The following PAX3 variants were observed in gnomAD, a reference collection of about 807,000 sequenced individuals.
PAX3 encodes the protein paired box 3.
Under a neutral mutation model 51.6 loss-of-function variants are expected in PAX3, and 14 were observed. The ratio of observed to expected loss-of-function variants is 0.27; its 90% CI spans 0.18 to 0.42. The LOEUF (loss-of-function observed/expected upper bound fraction) is 0.42. Ranked by LOEUF, PAX3 falls within the 10% of genes least tolerant of loss-of-function variation. PAX3 has a pLI of 1.00. For missense variants in PAX3, 540 were observed against 642.8 expected (o/e 0.84, Z 1.73); for synonymous variants, 280 against 253.4 (o/e 1.11, Z -1.00).
chr2:222,201,125 T>G lies in PAX3; in HGVS notation c.*283A>C. On this transcript the variant is annotated 3_prime_UTR_variant, in exon 9 of 9. Transcript: ENST00000392070. ...TCAGCACTAAAGAATTGGGATGTTT[T>G]GATATGTAACCATGTGAAACCATTG... 1 of 1,600,012 alleles carries G rather than the reference T, an allele frequency of 6.2e-7. No individual in the cohort carries two copies. The highest frequency in any genetic ancestry group is 8.6e-7 in the Non-Finnish European group (1 of 1,167,740).
Position 222,298,633 on chromosome 2 carries a change from T to C in PAX3, c.-18A>G. The C allele has an allele frequency of 1.3e-6, 2 of 1,593,692 alleles. No individual in the cohort carries two copies. The highest frequency in any genetic ancestry group is 1.7e-6 in the Non-Finnish European group (2 of 1,170,176). Reference sequence around the variant, plus strand: ...GTGGTCATCCTGGGGGCAGCTTCGCTCGGAAATTATATCCAGGTGAAGGCG... The same window carrying C: ...GTGGTCATCCTGGGGGCAGCTTCGCCCGGAAATTATATCCAGGTGAAGGCG... On this transcript the variant is annotated 5_prime_UTR_variant, in exon 1 of 9. Coordinates refer to ENST00000392070, the MANE Select transcript of PAX3 (RefSeq NM_181458.4).
At chr2:222,293,477 A>AT (rs1280490033) in intron 4 of PAX3, among the ~76,000 whole-genome samples, 1 of 152,156 alleles carries the variant, frequency 6.6e-6, no homozygotes, top group Admixed American at 6.5e-5. Flanking sequence ...CCGAAAAGGA[A>AT]TGGGGATCTG....
intron 5 of PAX3, among the ~76,000 whole-genome samples, chr2:222,227,636 T>C (rs1396484464): frequency 6.6e-6 from 1 of 152,010 alleles, no homozygotes; most frequent in Non-Finnish European, 1.5e-5. Context: ...TTGCAAGTAA[T>C]TCCTCCCCAC....
intron 1 of PAX3, among the ~76,000 whole-genome samples, chr2:222,297,835 T>C (rs932567638): frequency 7.9e-5 from 12 of 152,108 alleles, no homozygotes; most frequent in African/African-American, 2.4e-4. Context: ...CATTCTACTC[T>C]AGGCTGGGTG....
intron 4 of PAX3, among the ~76,000 whole-genome samples, chr2:222,259,113 T>C (rs1693751659): frequency 6.6e-6 from 1 of 152,204 alleles, no homozygotes. Flanking sequence ...TTCTGTATTT[T>C]GCCACATCTG....
At chr2:222,214,828 C>T (rs899530517) in intron 7 of PAX3, 6 of 152,034 alleles carry the variant, frequency 3.9e-5, no homozygotes, top group African/African-American at 1.4e-4. Flanking sequence ...AAATTTGAAA[C>T]AAGGCCTCAC....
At chr2:222,286,777 G>T (rs369833420) in intron 4 of PAX3, among the ~76,000 whole-genome samples, 4 of 152,178 alleles carry the variant, frequency 2.6e-5, no homozygotes, top group Admixed American at 2.0e-4. Flanking sequence ...CCTGTTGGTG[G>T]TTTTTAAAAA....
At chr2:222,244,912 T>C (rs1574681752) in intron 4 of PAX3, among the ~76,000 whole-genome samples, 1 of 151,844 alleles carries the variant, frequency 6.6e-6, no homozygotes, top group African/African-American at 2.4e-5. Flanking sequence ...CTTTGAGAGG[T>C]TGAGGTGGGC....
chr2:222,282,956 C>T (rs938312765), intron 4 of PAX3, among the ~76,000 whole-genome samples: 3 of 152,180 alleles, frequency 2.0e-5, no homozygotes, highest in African/African-American at 4.8e-5. Flanking sequence ...TTTTCTTGTG[C>T]CAGTGCCCAA....
At chr2:222,210,701 C>T (rs1256848664) in intron 7 of PAX3, among the ~76,000 whole-genome samples, 1 of 152,082 alleles carries the variant, frequency 6.6e-6, no homozygotes, top group Non-Finnish European at 1.5e-5. Context: ...AGAGTTACTG[C>T]ATTCTAAATG....
chr2:222,223,316 A>G (rs2106078555), intron 5 of PAX3, among the ~76,000 whole-genome samples: 1 of 152,314 alleles, frequency 6.6e-6, no homozygotes, highest in South Asian at 2.1e-4. Flanking sequence ...AAACGAGGTA[A>G]GTTAATATTT....
At chr2:222,277,914 C>CAGAGCG (rs1694483991) in intron 4 of PAX3, among the ~76,000 whole-genome samples, 1 of 136,034 alleles carries the variant, frequency 7.4e-6, no homozygotes, top group African/African-American at 2.7e-5. Flanking sequence ...AGCCTGGCAA[C>CAGAGCG]AGAGCGAGAC....
At chr2:222,285,884 T>A (rs6436309) in intron 4 of PAX3, among the ~76,000 whole-genome samples, 136 of 152,290 alleles carry the variant, frequency 8.9e-4, no homozygotes, top group South Asian at 3.9e-3. Flanking sequence ...CTCCCTCAAT[T>A]CTATGTTGGT....
At chr2:222,287,865 A>G (rs1257350819) in intron 4 of PAX3, among the ~76,000 whole-genome samples, 1 of 152,252 alleles carries the variant, frequency 6.6e-6, no homozygotes, top group African/African-American at 2.4e-5. Context: ...AGAGTAAAAA[A>G]TAAAACAATA....
At chr2:222,212,491 T>C (rs965856287) in intron 7 of PAX3, among the ~76,000 whole-genome samples, 7 of 152,130 alleles carry the variant, frequency 4.6e-5, no homozygotes, top group African/African-American at 1.7e-4. Context: ...ATCGCTAATC[T>C]CAGAAACTCT....
chr2:222,224,560 A>T lies in PAX3; in HGVS notation c.793-3173T>A, dbSNP rs547230208. ...ATGTTTTGAAACTCAAAACAGACAAATTTTCTATTTTTAGTAGACTAAAAA... is the reference window on the plus strand; with the variant it reads ...ATGTTTTGAAACTCAAAACAGACAATTTTTCTATTTTTAGTAGACTAAAAA... On this transcript the variant is annotated intron_variant, in intron 5 of 8. Coordinates refer to ENST00000392070, the MANE Select transcript of PAX3 (RefSeq NM_181458.4). Among the ~76,000 whole-genome samples the T allele has an allele frequency of 3.9e-4, 60 of 152,278 alleles. 1 individual carries two copies. In the East Asian group the frequency reaches 9.1e-3, roughly 23 times the overall value.
chr2:222,253,628 C>A (rs956593391), intron 4 of PAX3, among the ~76,000 whole-genome samples: 7 of 144,090 alleles, frequency 4.9e-5, no homozygotes, highest in Non-Finnish European at 9.3e-5. Context: ...CACTACAAAA[C>A]TTTTCTTTTT....
At chr2:222,239,354 G>T (rs575861736) in intron 4 of PAX3, among the ~76,000 whole-genome samples, 3 of 151,984 alleles carry the variant, frequency 2.0e-5, no homozygotes, top group African/African-American at 4.8e-5. Flanking sequence ...AGAGAAGGAG[G>T]GGGGAGGTTG....
At chr2:222,264,858 C>T (rs1011303397) in intron 4 of PAX3, 2 of 152,246 alleles carry the variant, frequency 1.3e-5, no homozygotes, top group Non-Finnish European at 2.9e-5. Flanking sequence ...TTGCCATTCT[C>T]ACATGCACCA....
Sources: gnomAD v4.1 joint callset for allele counts (sites outside exome capture counted in the v4.1 genomes callset) on GRCh38, gnomAD v4.1.1 for gene constraint, MANE v1.5 for transcripts, NCBI Gene and HGNC (gene_info 2026-07-23, HGNC 2026-07-21) for gene names.